EFCAB5: variants seen among roughly 807,000 people sequenced by gnomAD.
The protein encoded by EFCAB5 is EF-hand calcium-binding domain-containing protein 5.
Under a neutral mutation model 167.9 loss-of-function variants are expected in EFCAB5, and 131 were observed. That is an observed-to-expected ratio of 0.78 (90% CI 0.68 to 0.90). The LOEUF is 0.90. EFCAB5 is among the 40% of genes least tolerant of loss of function. EFCAB5 has a pLI of 0.00. For missense variants in EFCAB5, 1,663 were observed against 1,745.2 expected (o/e 0.95, Z 0.84); for synonymous variants, 574 against 602.8 (o/e 0.95, Z 0.70).
intron 4 of EFCAB5, among the ~76,000 whole-genome samples, chr17:29,984,609 T>C (rs534956210): frequency 6.6e-6 from 1 of 151,944 alleles, no homozygotes; most frequent in Non-Finnish European, 1.5e-5. Flanking sequence ...TCCCAGCTAC[T>C]TGGGAGGCTG....
chr17:30,053,316 GA>G lies in EFCAB5; in HGVS notation c.1365del (p.Lys455AsnfsTer14). ...AGTTGTGGGGAGACATGGATAATCA[GA>G]AACACATTTATGAAGGTTTTGACAA... is the stretch of plus-strand genomic sequence containing the variant. ...TELWGDMDNQ[K>X]HIYEGFDKVL... is the part of the protein sequence containing the mutation. On this transcript the variant is annotated frameshift_variant, in exon 10 of 23. Transcript: ENST00000394835. LOFTEE classifies it high-confidence loss of function. 6.2e-7 allele frequency: 1 copy of G among 1,613,814 alleles called. No homozygotes were observed. Among genetic ancestry groups the G allele is most frequent in the Non-Finnish European group, 8.5e-7 (1 of 1,179,780 alleles).
chr17:30,053,732 T>C lies in EFCAB5; in HGVS notation c.1778T>C (p.Val593Ala). The C allele has an allele frequency of 6.2e-7, 1 of 1,613,514 alleles. No homozygotes were observed. The highest frequency in any genetic ancestry group is 1.1e-5 in the South Asian group (1 of 91,048). Residue 593 changes from valine to alanine, a missense_variant, in exon 10 of 23, where the codon GTT becomes GCT. Physicochemically the swap from Val to Ala is moderately conservative, Grantham distance 64. Transcript: ENST00000394835. ...IEGQGPRRVS[V>A]SEQGSSRESV... ...GGACAAGGACCACGCAGAGTGTCAG[T>C]TTCAGAACAAGGATCAAGCAGAGAG...
At chr17:29,934,286 G>A (rs2067227310) in intron 1 of EFCAB5, among the ~76,000 whole-genome samples, 1 of 152,138 alleles carries the variant, frequency 6.6e-6, no homozygotes, top group African/African-American at 2.4e-5. Context: ...AAATTTAAAA[G>A]TATAAATTAT....
At chr17:30,087,220 T>G (rs2071107119) in intron 19 of EFCAB5, 54 bp downstream of exon 19, 1 of 1,454,504 alleles carries the variant, frequency 6.9e-7, no homozygotes, top group Non-Finnish European at 9.6e-7. Flanking sequence ...TCTGGTACAA[T>G]AGTAGACCTG....
At chr17:29,994,155 TATATATATATATATATATATATGTG>T (rs1380031577) in intron 5 of EFCAB5, among the ~76,000 whole-genome samples, 5 of 134,470 alleles carry the variant, frequency 3.7e-5, no homozygotes, top group Non-Finnish European at 8.0e-5. Flanking sequence ...TATATATATA[TATATATATATATATATATATATGTG>T]ATATATATAT....
intron 5 of EFCAB5, among the ~76,000 whole-genome samples, chr17:29,995,794 C>T (rs997533142): frequency 2.0e-5 from 3 of 152,130 alleles, no homozygotes; most frequent in Non-Finnish European, 4.4e-5. Flanking sequence ...GCACCATGGG[C>T]TTTATCTTCA....
At chr17:30,031,785 G>A (rs1228595505) in intron 7 of EFCAB5, 1 of 152,206 alleles carries the variant, frequency 6.6e-6, no homozygotes, top group Admixed American at 6.5e-5. Flanking sequence ...ACTTTGAGAG[G>A]CTGAAGCAGG....
chr17:30,005,583 C>T (rs1260373884), intron 7 of EFCAB5, among the ~76,000 whole-genome samples: 1 of 151,952 alleles, frequency 6.6e-6, no homozygotes, highest in Non-Finnish European at 1.5e-5. Context: ...AAATATAATC[C>T]TAAGCCTTCT....
intron 4 of EFCAB5, among the ~76,000 whole-genome samples, chr17:29,973,278 T>C (rs2067996244): frequency 6.6e-6 from 1 of 152,162 alleles, no homozygotes; most frequent in Admixed American, 6.5e-5. Flanking sequence ...GGCCAAATCC[T>C]TTCTGCACCA....
In EFCAB5 at chr17:30,090,510, G is replaced by C. The variant is rs760557063; in HGVS notation, c.3773G>C (p.Arg1258Thr). ...CATATAGTAGTTCCACTTCGTGAGA[G>C]AACAGGAGAGGCTCTGGGAGTCCTC... ...ETHIVVPLRE[R>T]TGEALGVLDF... The change falls in exon 20 of 23, where the codon AGA becomes ACA. Residue 1258 changes from arginine (R) to threonine (T), a missense_variant. By Grantham distance (71) the Arg-to-Thr change is moderately conservative. Coordinates refer to ENST00000394835, the MANE Select transcript of EFCAB5 (RefSeq NM_198529.4). The C allele has an allele frequency of 4.3e-6, 7 of 1,614,032 alleles. No individual in the cohort carries two copies. The highest frequency in any genetic ancestry group is 5.9e-6 in the Non-Finnish European group (7 of 1,179,882).
intron 22 of EFCAB5, 23 bp downstream of exon 22, chr17:30,092,959 C>A: frequency 6.5e-7 from 1 of 1,544,916 alleles, no homozygotes; most frequent in African/African-American, 1.4e-5. Flanking sequence ...TTAATTACAG[C>A]CTAAATCTAT....
chr17:30,078,484 A>G lies in EFCAB5; in HGVS notation c.3007A>G (p.Thr1003Ala). 2 of 1,603,412 alleles carry G rather than the reference A, an allele frequency of 1.2e-6. No homozygotes were observed. Among genetic ancestry groups the G allele is most frequent in the South Asian group, 1.1e-5 (1 of 89,960 alleles). ...GTCCCTAGAGCCGGTGTATAGTGAG[A>G]CCTTTAAGGCCCTCATGCAGGTACG... ...GVSLEPVYSETFKALMQDAEA... is the reference protein window; with the variant it reads ...GVSLEPVYSEAFKALMQDAEA... Residue 1003 changes from threonine to alanine, a missense_variant, in exon 15 of 23, where the codon ACC (threonine) becomes GCC (alanine). Physicochemically the swap from Thr to Ala is moderately conservative, Grantham distance 58. Coordinates refer to ENST00000394835, the MANE Select transcript of EFCAB5 (RefSeq NM_198529.4).
At chr17:29,945,941 A>G (rs1452324049) in intron 3 of EFCAB5, among the ~76,000 whole-genome samples, 1 of 152,208 alleles carries the variant, frequency 6.6e-6, no homozygotes, top group African/African-American at 2.4e-5. Context: ...AGAATTTATA[A>G]TGAAGACTCC....
At chr17:29,964,023 C>T (rs532038275) in intron 3 of EFCAB5, among the ~76,000 whole-genome samples, 291 of 150,042 alleles carry the variant, frequency 1.9e-3, no homozygotes, top group Non-Finnish European at 3.6e-3. Flanking sequence ...CTTCTTGAGG[C>T]CTCACTGGGA....
chr17:30,085,398 C>T (rs913413241), intron 18 of EFCAB5, among the ~76,000 whole-genome samples: 4 of 152,134 alleles, frequency 2.6e-5, no homozygotes, highest in African/African-American at 7.2e-5. Context: ...TAATGCCTTC[C>T]CATAAGATGT....
At chr17:30,028,313 G>A (rs1197586843) in intron 7 of EFCAB5, among the ~76,000 whole-genome samples, 2 of 152,082 alleles carry the variant, frequency 1.3e-5, no homozygotes, top group African/African-American at 4.8e-5. Flanking sequence ...ATAAATCCAG[G>A]CTGTGCATTT....
At chr17:29,955,197 G>A (rs766257719) in intron 3 of EFCAB5, among the ~76,000 whole-genome samples, 1 of 152,126 alleles carries the variant, frequency 6.6e-6, no homozygotes, top group African/African-American at 2.4e-5. Flanking sequence ...GGGATGATTG[G>A]TTTTGGAATG....
chr17:29,985,103 A>G (rs1469581165), intron 4 of EFCAB5, among the ~76,000 whole-genome samples: 2 of 152,344 alleles, frequency 1.3e-5, no homozygotes, highest in African/African-American at 2.4e-5. Flanking sequence ...TTTGATTTCA[A>G]TCAAAACCAG....
In EFCAB5 at chr17:30,057,890, G is replaced by T. The variant is rs769441693; in HGVS notation, c.2580G>T (p.Gln860His). ...TEQEKMNALEQFSQNAFQVRQ... is the reference protein window; with the variant it reads ...TEQEKMNALEHFSQNAFQVRQ... Reference sequence around the variant, plus strand: ...AAGAGAAAATGAATGCCTTAGAACAGGTGGGTAATATTATTTATTAATGAT... The same window carrying T: ...AAGAGAAAATGAATGCCTTAGAACATGTGGGTAATATTATTTATTAATGAT... Residue 860 changes from glutamine (Q) to histidine (H), a missense_variant and splice_region_variant, in exon 13 of 23, where the codon CAG becomes CAT. Physicochemically the swap from Gln to His is conservative, Grantham distance 24 (BLOSUM62 0). Coordinates refer to ENST00000394835, the MANE Select transcript of EFCAB5 (RefSeq NM_198529.4). 3 of 1,609,280 alleles carry T rather than the reference G, an allele frequency of 1.9e-6. No homozygotes were observed. The highest frequency in any genetic ancestry group is 2.5e-6 in the Non-Finnish European group (3 of 1,177,460).
Sources: gnomAD v4.1 joint callset for allele counts (sites outside exome capture counted in the v4.1 genomes callset) on GRCh38, gnomAD v4.1.1 for gene constraint, MANE v1.5 for transcripts, NCBI Gene and HGNC (gene_info 2026-07-23, HGNC 2026-07-21) for gene names.